Variants in LTF observed in about 807,000 individuals in gnomAD.
The protein encoded by LTF is lactotransferrin.
In LTF, 91 loss-of-function variants were observed where a neutral mutation model predicts 87.2. That is an observed-to-expected ratio of 1.04 (90% CI 0.88 to 1.24). The LOEUF (loss-of-function observed/expected upper bound fraction) is 1.24, where lower values mean the gene tolerates loss of function less well. Among genes scored for constraint, LTF ranks in the 50% most tolerant of loss-of-function variants. The probability of loss-of-function intolerance (pLI) is 0.00; values close to 1 mark genes in which losing one functional copy is unlikely to be tolerated. For missense variants in LTF, 901 were observed against 904.3 expected, an observed-to-expected ratio of 1.00 and a Z score of 0.05; for synonymous variants, 378 against 356.1, an observed-to-expected ratio of 1.06 and a Z score of -0.69.
In LTF at chr3:46,452,783, G is replaced by GT. The variant is rs764808854; in HGVS notation, c.703+1521dup. ...GCAGAAAAAATATACTTTTTTTATTGTAAGGTAAATTGCCTCACTGTAAAG... is the reference window on the plus strand; with the variant it reads ...GCAGAAAAAATATACTTTTTTTATTGTTAAGGTAAATTGCCTCACTGTAAAG... On this transcript the variant is annotated intron_variant, in intron 6 of 16. Transcript: ENST00000231751. Among the ~76,000 whole-genome samples the GT allele has an allele frequency of 1.3e-4, 20 of 152,330 alleles. No homozygotes were observed. The East Asian group carries it at 2.1e-3, about 16-fold the overall frequency.
chr3:46,478,781 AG>A, intron 1 of LTF, among the ~76,000 whole-genome samples: 1 of 152,232 alleles, frequency 6.6e-6, no homozygotes, highest in East Asian at 1.9e-4. Flanking sequence ...TTCTGGCTTG[AG>A]GTTACTACCT....
At position 46,450,037 on chromosome 3, in the gene LTF, G is replaced by C; in HGVS notation, c.883-9C>G. Reference sequence around the variant, plus strand: ...TCCTTTCCAAACTTTTCCTAATTAAGAAAAAATAGAATTATGGTGTCAATG... The same window carrying C: ...TCCTTTCCAAACTTTTCCTAATTAACAAAAAATAGAATTATGGTGTCAATG... On this transcript the variant is annotated splice_polypyrimidine_tract_variant and intron_variant, in intron 7 of 16. Transcript: ENST00000231751. 1 of 1,570,924 alleles carries C rather than the reference G, an allele frequency of 6.4e-7. No individual in the cohort carries two copies.
upstream of LTF, among the ~76,000 whole-genome samples, chr3:46,466,157 T>C (rs1255633233): frequency 2.0e-5 from 3 of 152,042 alleles, no homozygotes; most frequent in Non-Finnish European, 4.4e-5. Flanking sequence ...GGAGGACCAT[T>C]TGAGCCTGGG....
In LTF at chr3:46,455,470, G is replaced by A. The variant is rs1186494285; in HGVS notation, c.500-28C>T. ...GTTAAACACAGAGAAGTGGACCACA[G>A]AGTGTGAGCCAGCCCTGGTCACAGC... is the stretch of plus-strand genomic sequence containing the variant. On this transcript the variant is annotated intron_variant, in intron 4 of 16. Coordinates refer to ENST00000231751, the MANE Select transcript of LTF (RefSeq NM_002343.6). The A allele has an allele frequency of 2.5e-6, 4 of 1,613,992 alleles. No individual in the cohort carries two copies. The Admixed American group carries it at 5.0e-5, about 20-fold the overall frequency.
chr3:46,471,160 C>T (rs1575326960), intron 1 of LTF, among the ~76,000 whole-genome samples: 1 of 152,090 alleles, frequency 6.6e-6, no homozygotes, highest in African/African-American at 2.4e-5. Context: ...TCCAACATGG[C>T]CCTTCTAGGA....
chr3:46,446,458 C>G lies in LTF; in HGVS notation c.1339G>C (p.Val447Leu), dbSNP rs771664233. 3.7e-6 allele frequency: 6 copies of G among 1,613,898 alleles called. No individual in the cohort carries two copies. Among genetic ancestry groups the G allele is most frequent in the Non-Finnish European group, 5.1e-6 (6 of 1,179,878 alleles). The change falls in exon 11 of 17, where the codon GTG becomes CTG. Residue 447 changes from valine (V) to leucine (L), a missense_variant. Coordinates refer to ENST00000231751, the MANE Select transcript of LTF (RefSeq NM_002343.6). ...QQSSDPDPNCVDRPVEGYLAV... is the reference protein window; with the variant it reads ...QQSSDPDPNCLDRPVEGYLAV... ...AACTCACCTTCCACAGGTCTATCCA[C>G]ACAGTTAGGATCAGGGTCACTGCTT...
intron 1 of LTF, among the ~76,000 whole-genome samples, chr3:46,474,593 CCAG>C (rs1703335842): frequency 6.6e-6 from 1 of 152,210 alleles, no homozygotes; most frequent in Admixed American, 6.5e-5. Context: ...ACACCATCAA[CCAG>C]CAGAACTGAA....
At position 46,445,368 on chromosome 3, in the gene LTF, T is replaced by C. The variant is rs1311669815; in HGVS notation, c.1426A>G (p.Lys476Glu). Residue 476 changes from lysine (K) to glutamate (E), a missense_variant, in exon 12 of 17, where the codon AAG becomes GAG. Transcript: ENST00000231751. ...CTGTCCACGGCGGTGTGGCAGGACT[T>C]CTTGCCTTTCACAGAGTTCCAGGTA... The part of the protein sequence containing the change: ...SLTWNSVKGK[K>E]SCHTAVDRTA... 3.1e-6 allele frequency: 5 copies of C among 1,614,102 alleles called. No homozygotes were observed. Among genetic ancestry groups the C allele is most frequent in the Non-Finnish European group, 4.2e-6 (5 of 1,179,952 alleles).
intron 1 of LTF, among the ~76,000 whole-genome samples, chr3:46,470,721 G>A (rs1703271587): frequency 6.6e-6 from 1 of 152,312 alleles, no homozygotes; most frequent in Middle Eastern, 3.4e-3. Flanking sequence ...GAGAGATGTG[G>A]TTAGAAGCTC....
At chr3:46,470,524 A>C (rs963877999) in intron 1 of LTF, 2 of 152,272 alleles carry the variant, frequency 1.3e-5, no homozygotes, top group African/African-American at 4.8e-5. Flanking sequence ...ATGGGCGAGC[A>C]GAGGAGTGAG....
At chr3:46,470,154 T>G (rs55950019) in intron 2 of LTF, among the ~76,000 whole-genome samples, 1 of 152,202 alleles carries the variant, frequency 6.6e-6, no homozygotes, top group East Asian at 1.9e-4. Context: ...CTGGCCGGGA[T>G]AGCACCCCAA....
intron 9 of LTF, among the ~76,000 whole-genome samples, chr3:46,447,683 G>C (rs1702690185): frequency 6.6e-6 from 1 of 152,136 alleles, no homozygotes; most frequent in African/African-American, 2.4e-5. Context: ...TGGCACTTTG[G>C]GGACACCTTC....
upstream of LTF, chr3:46,468,336 T>G (rs1480564510): frequency 4.4e-6 from 2 of 456,566 alleles, no homozygotes; most frequent in Non-Finnish European, 8.8e-6. Flanking sequence ...GGAAGCAGAA[T>G]GCAGGTTTCC....
chr3:46,453,989 A>G, intron 6 of LTF: 2 of 347,848 alleles, frequency 5.7e-6, no homozygotes, highest in Non-Finnish European at 1.1e-5. Flanking sequence ...TAAAACCTCT[A>G]TGAACCCAGA....
intron 6 of LTF, among the ~76,000 whole-genome samples, chr3:46,452,175 A>G (rs1702819087): frequency 6.6e-6 from 1 of 152,374 alleles, no homozygotes; most frequent in Non-Finnish European, 1.5e-5. Flanking sequence ...AGGAGTAACA[A>G]GTTATAAGAG....
chr3:46,441,645 G>A (rs1293057140), intron 13 of LTF, 162 bp from the exon 14 acceptor site: 5 of 591,226 alleles, frequency 8.5e-6, no homozygotes, highest in Non-Finnish European at 1.5e-5. Flanking sequence ...ATTGAACACA[G>A]GTGTACCTGC....
intron 1 of LTF, among the ~76,000 whole-genome samples, chr3:46,480,829 G>A (rs975963649): frequency 2.6e-5 from 4 of 152,174 alleles, no homozygotes; most frequent in Admixed American, 1.3e-4. Flanking sequence ...AAACCTAGGA[G>A]AGAAGTCTCA....
intron 1 of LTF, among the ~76,000 whole-genome samples, chr3:46,471,512 G>A (rs1275219369): frequency 6.6e-6 from 1 of 152,220 alleles, no homozygotes; most frequent in Non-Finnish European, 1.5e-5. Flanking sequence ...TTGACTAGCT[G>A]TGCATCCCCA....
At chr3:46,457,162 C>G (rs1157539078) in intron 2 of LTF, among the ~76,000 whole-genome samples, 2 of 152,216 alleles carry the variant, frequency 1.3e-5, no homozygotes, top group Non-Finnish European at 2.9e-5. Context: ...AGGCCATCAA[C>G]CGGTACCAGT....
Sources: gnomAD v4.1 joint callset for allele counts (sites outside exome capture counted in the v4.1 genomes callset) on GRCh38, gnomAD v4.1.1 for gene constraint, MANE v1.5 for transcripts, NCBI Gene and HGNC (gene_info 2026-07-23, HGNC 2026-07-21) for gene names.